Variants in GADL1 observed in about 807,000 individuals in gnomAD.
GADL1 encodes the protein GAD like acidic amino acid decarboxylase 1.
GADL1 carries 71 observed loss-of-function variants against 69.5 expected under a neutral mutation model. That is an observed-to-expected ratio of 1.02 (90% CI 0.84 to 1.25). The LOEUF is 1.25. GADL1 is among the 50% of genes most tolerant of loss of function. GADL1 has a pLI of 0.00. For missense variants in GADL1, 737 were observed against 631.8 expected, an observed-to-expected ratio of 1.17 and a Z score of -1.79; for synonymous variants, 254 against 214.4, an observed-to-expected ratio of 1.18 and a Z score of -1.62.
Position 30,789,774 on chromosome 3 carries a change from C to T in GADL1, c.1251-3368G>A, listed in dbSNP as rs113717093. 3.3e-5 allele frequency among the ~76,000 whole-genome samples: 5 copies of T among 152,258 alleles called. No individual in the cohort carries two copies. The South Asian group carries it at 8.3e-4, about 25-fold the overall frequency. On this transcript the variant is annotated intron_variant, in intron 12 of 14. Transcript: ENST00000282538. ...CTGCACTCGAACCTCATGAACCAAC[C>T]TCTGCTAGCTTCCAACTTTCCTTAT...
At chr3:30,789,334 T>C (rs1045327698) in intron 12 of GADL1, among the ~76,000 whole-genome samples, 2 of 152,204 alleles carry the variant, frequency 1.3e-5, no homozygotes, top group African/African-American at 4.8e-5. Flanking sequence ...AAGTCTCAAG[T>C]CTCAACAGTG....
chr3:30,883,738 A>AT (rs1698671890), intron 1 of GADL1, among the ~76,000 whole-genome samples: 1 of 151,986 alleles, frequency 6.6e-6, no homozygotes, highest in Non-Finnish European at 1.5e-5. Context: ...TCTGGGTAGC[A>AT]TGGACGTCTT....
intron 11 of GADL1, among the ~76,000 whole-genome samples, chr3:30,823,835 G>T (rs368515630): frequency 6.6e-6 from 1 of 151,880 alleles, no homozygotes; most frequent in African/African-American, 2.4e-5. Context: ...AAATTATAAA[G>T]CTAGAAAGAC....
chr3:30,731,489 G>A (rs1043898449), intron 14 of GADL1, among the ~76,000 whole-genome samples: 2 of 152,168 alleles, frequency 1.3e-5, no homozygotes, highest in Non-Finnish European at 2.9e-5. Flanking sequence ...TTTCTTGTGA[G>A]GAAGCCAGAA....
chr3:30,876,930 G>GAA (rs2125543341), intron 1 of GADL1, among the ~76,000 whole-genome samples: 1 of 151,946 alleles, frequency 6.6e-6, no homozygotes, highest in East Asian at 1.9e-4. Context: ...CTGTCTCCCT[G>GAA]AAATCACCTT....
chr3:30,817,005 A>G (rs1438427761), intron 11 of GADL1, among the ~76,000 whole-genome samples: 1 of 152,178 alleles, frequency 6.6e-6, no homozygotes, highest in African/African-American at 2.4e-5. Context: ...AAAAGTCAGC[A>G]TGGGCTGACA....
chr3:30,866,387 A>AGG (rs1426408604), intron 1 of GADL1, among the ~76,000 whole-genome samples: 1 of 152,070 alleles, frequency 6.6e-6, no homozygotes, highest in East Asian at 1.9e-4. Context: ...TGAACCTGGG[A>AGG]GGAGAAGGTT....
intron 1 of GADL1, among the ~76,000 whole-genome samples, chr3:30,879,037 C>T (rs1459270087): frequency 2.0e-5 from 3 of 151,810 alleles, no homozygotes; most frequent in Non-Finnish European, 2.9e-5. Context: ...TCTCACTCAA[C>T]CTCAGAGTGG....
chr3:30,836,489 A>G (rs1186096784), intron 9 of GADL1, among the ~76,000 whole-genome samples: 2 of 151,984 alleles, frequency 1.3e-5, no homozygotes. Flanking sequence ...TATCAAACCT[A>G]TCACCTAAAT....
intron 11 of GADL1, among the ~76,000 whole-genome samples, chr3:30,812,420 A>G (rs1697374690): frequency 6.6e-6 from 1 of 152,220 alleles, no homozygotes; most frequent in South Asian, 2.1e-4. Context: ...ATCATGGTGG[A>G]AGGTGAAAGG....
At chr3:30,798,516 G>T (rs56115802) in intron 12 of GADL1, 1 of 152,132 alleles carries the variant, frequency 6.6e-6, no homozygotes, top group Non-Finnish European at 1.5e-5. Context: ...CTCCCACTGC[G>T]TCCCGCCCAC....
At chr3:30,852,623 T>C (rs1014754880) in intron 4 of GADL1, among the ~76,000 whole-genome samples, 2 of 150,480 alleles carry the variant, frequency 1.3e-5, no homozygotes, top group South Asian at 2.1e-4. Flanking sequence ...CAAATATATA[T>C]AAAATAGTTA....
chr3:30,847,581 C>T (rs1698079287), intron 6 of GADL1, among the ~76,000 whole-genome samples: 1 of 152,142 alleles, frequency 6.6e-6, no homozygotes, highest in Non-Finnish European at 1.5e-5. Context: ...AGTGCAAATG[C>T]TATAACCTGA....
intron 14 of GADL1, among the ~76,000 whole-genome samples, chr3:30,762,101 G>A (rs1386174288): frequency 6.6e-6 from 1 of 152,130 alleles, no homozygotes. Flanking sequence ...CCCTGCTTAG[G>A]AACCCATGTT....
At chr3:30,894,288 C>T (rs893514584) in intron 1 of GADL1, among the ~76,000 whole-genome samples, 3 of 152,194 alleles carry the variant, frequency 2.0e-5, no homozygotes, top group Non-Finnish European at 2.9e-5. Flanking sequence ...GGGAAACATG[C>T]GGCAGTTCGC....
At chr3:30,810,201 G>C (rs1242931420) in intron 11 of GADL1, among the ~76,000 whole-genome samples, 1 of 152,128 alleles carries the variant, frequency 6.6e-6, no homozygotes, top group Non-Finnish European at 1.5e-5. Flanking sequence ...GGTCTGCCTG[G>C]TTCAAGCCGT....
intron 14 of GADL1, among the ~76,000 whole-genome samples, chr3:30,774,885 G>A (rs1696496984): frequency 6.6e-6 from 1 of 152,126 alleles, no homozygotes; most frequent in Non-Finnish European, 1.5e-5. Flanking sequence ...GTGACATGAA[G>A]AAGCAGAGAC....
chr3:30,844,492 G>T (rs766547592), intron 6 of GADL1, 26 bp from the exon 7 acceptor site: 4 of 1,442,592 alleles, frequency 2.8e-6, no homozygotes, highest in African/African-American at 1.4e-5. Flanking sequence ...CAGTGGGGAA[G>T]GGGGAGACAT....
chr3:30,770,095 A>C (rs997466831), intron 14 of GADL1, among the ~76,000 whole-genome samples: 1 of 152,218 alleles, frequency 6.6e-6, no homozygotes, highest in African/African-American at 2.4e-5. Context: ...GGAGCTGAGT[A>C]GAGGTTGTTC....
Sources: allele counts gnomAD v4.1 joint callset (sites outside exome capture counted in the v4.1 genomes callset), GRCh38; gene constraint gnomAD v4.1.1; transcripts MANE v1.5; gene names NCBI Gene and HGNC (gene_info 2026-07-23, HGNC 2026-07-21).